CACNG4: variants seen among roughly 807,000 people sequenced by gnomAD.
CACNG4 encodes the protein voltage-dependent calcium channel gamma-4 subunit.
A neutral mutation model predicts 22.9 loss-of-function variants in CACNG4; 8 were observed. That is an observed-to-expected ratio of 0.35 (90% CI 0.21 to 0.63). The LOEUF is 0.63. Ranked by LOEUF, CACNG4 falls within the 30% of genes least tolerant of loss-of-function variation. The pLI, the probability that CACNG4 is intolerant of heterozygous loss-of-function variation, is 0.72. For missense variants in CACNG4, 357 were observed against 455.4 expected, an observed-to-expected ratio of 0.78 and a Z score of 1.97; for synonymous variants, 188 against 191.9, an observed-to-expected ratio of 0.98 and a Z score of 0.17.
At chr17:67,000,679 G>A (rs756131934) in intron 1 of CACNG4, among the ~76,000 whole-genome samples, 36 of 152,200 alleles carry the variant, frequency 2.4e-4, no homozygotes, top group Non-Finnish European at 4.7e-4. Context: ...TGCAGGGAAG[G>A]CCACTTTGGG....
At chr17:67,020,542 G>T (rs764153454) in intron 2 of CACNG4, among the ~76,000 whole-genome samples, 1 of 152,238 alleles carries the variant, frequency 6.6e-6, no homozygotes. Context: ...AAGTCAGGGC[G>T]GGGTGGGGCT....
At chr17:66,995,859 A>G (rs1056250462) in intron 1 of CACNG4, among the ~76,000 whole-genome samples, 1 of 151,784 alleles carries the variant, frequency 6.6e-6, no homozygotes, top group African/African-American at 2.4e-5. Context: ...TGAAAAAAAA[A>G]TGGGATCTAT....
chr17:67,008,897 C>T (rs779145502), intron 1 of CACNG4, among the ~76,000 whole-genome samples: 9 of 151,942 alleles, frequency 5.9e-5, no homozygotes, highest in South Asian at 2.1e-4. Context: ...TGCAGTGAGC[C>T]GAGATCGCGC....
At chr17:66,980,518 A>C (rs1446900766) in intron 1 of CACNG4, among the ~76,000 whole-genome samples, 1 of 152,130 alleles carries the variant, frequency 6.6e-6, no homozygotes, top group Non-Finnish European at 1.5e-5. Context: ...TCCTGTGGCA[A>C]GCTTAAGCAG....
chr17:67,028,418 T>TG (rs1393542774), intron 3 of CACNG4, among the ~76,000 whole-genome samples: 5 of 152,044 alleles, frequency 3.3e-5, no homozygotes, highest in Non-Finnish European at 5.9e-5. Context: ...CTGGGCATGG[T>TG]GGCGGGTGCC....
chr17:67,015,839 G>A (rs2035494060), intron 1 of CACNG4, among the ~76,000 whole-genome samples: 1 of 152,284 alleles, frequency 6.6e-6, no homozygotes, highest in Middle Eastern at 3.4e-3. Context: ...TGGGGAAGGG[G>A]AGGAACAGCA....
chr17:66,980,495 C>T (rs1167353462), intron 1 of CACNG4, among the ~76,000 whole-genome samples: 2 of 152,070 alleles, frequency 1.3e-5, no homozygotes, highest in East Asian at 3.8e-4. Context: ...TAAATTATTT[C>T]CCTAGGAAAC....
At chr17:67,026,377 GGT>G (rs751370040) in intron 3 of CACNG4, among the ~76,000 whole-genome samples, 1 of 151,302 alleles carries the variant, frequency 6.6e-6, no homozygotes, top group African/African-American at 2.4e-5. Context: ...TGAGGAATGT[GGT>G]GTGTGTGTGT....
At chr17:66,967,400 C>T (rs2035177211) in intron 1 of CACNG4, among the ~76,000 whole-genome samples, 1 of 152,148 alleles carries the variant, frequency 6.6e-6, no homozygotes, top group Non-Finnish European at 1.5e-5. Context: ...ATCATTGTGA[C>T]AGTCCCTCAA....
chr17:66,998,483 G>C (rs115667679), intron 1 of CACNG4, among the ~76,000 whole-genome samples: 11 of 152,234 alleles, frequency 7.2e-5, no homozygotes, highest in African/African-American at 2.4e-4. Flanking sequence ...GAATTGCACC[G>C]CACCCATCCC....
intron 1 of CACNG4, among the ~76,000 whole-genome samples, chr17:67,001,377 C>A (rs2035407014): frequency 6.6e-6 from 1 of 152,120 alleles, no homozygotes; most frequent in African/African-American, 2.4e-5. Context: ...CCTGTCCCCT[C>A]CCCCTGGTTC....
chr17:66,976,304 C>G lies in CACNG4; in HGVS notation c.220+11173C>G, dbSNP rs529910166. ...TCGGCTGTCAAATTGGCAAATAAAA[C>G]CTGTCCTCCCCTCCCTCCTCCCTCT... On this transcript the variant is annotated intron_variant, in intron 1 of 3. Transcript: ENST00000262138. 3.3e-5 allele frequency among the ~76,000 whole-genome samples: 5 copies of G among 152,174 alleles called. No individual in the cohort carries two copies. The South Asian group carries it at 1.0e-3, about 32-fold the overall frequency.
intron 1 of CACNG4, among the ~76,000 whole-genome samples, chr17:66,976,520 A>T (rs1598102512): frequency 9.3e-6 from 1 of 107,852 alleles, no homozygotes; most frequent in African/African-American, 3.7e-5. Flanking sequence ...CCCTCCCTCC[A>T]TCCTCCCTCC....
intron 1 of CACNG4, among the ~76,000 whole-genome samples, chr17:66,975,218 ATCAGTCTCCCTGGC>A (rs1316143542): frequency 1.3e-5 from 2 of 152,136 alleles, no homozygotes; most frequent in Non-Finnish European, 2.9e-5. Context: ...AGTAAAAATC[ATCAGTCTCCCTGGC>A]TCACCTGCCA....
intron 1 of CACNG4, among the ~76,000 whole-genome samples, chr17:66,980,640 T>TTTTTTTTTTTTTTTTA (rs2035266353): frequency 7.6e-6 from 1 of 132,210 alleles, no homozygotes; most frequent in East Asian, 2.2e-4. Flanking sequence ...TTTTTTTTTT[T>TTTTTTTTTTTTTTTTA]GAGACTGAGT....
At chr17:66,999,042 G>A (rs1318767116) in intron 1 of CACNG4, among the ~76,000 whole-genome samples, 1 of 152,178 alleles carries the variant, frequency 6.6e-6, no homozygotes, top group Non-Finnish European at 1.5e-5. Flanking sequence ...AGGCTCTGAA[G>A]GATGATGGCT....
intron 3 of CACNG4, among the ~76,000 whole-genome samples, chr17:67,025,639 G>A (rs535222883): frequency 4.9e-4 from 74 of 152,356 alleles, no homozygotes; most frequent in Middle Eastern, 6.8e-3. Context: ...AGCCATGCCC[G>A]ATGTCCCCGG....
At chr17:67,029,374 G>C (rs569998672) in intron 3 of CACNG4, among the ~76,000 whole-genome samples, 1 of 151,078 alleles carries the variant, frequency 6.6e-6, no homozygotes, top group African/African-American at 2.4e-5. Flanking sequence ...GCTCACGCCT[G>C]TAATCCCAGC....
chr17:67,001,203 G>A (rs1194504027), intron 1 of CACNG4, among the ~76,000 whole-genome samples: 2 of 152,084 alleles, frequency 1.3e-5, no homozygotes, highest in Admixed American at 1.3e-4. Flanking sequence ...CTTCTACCAT[G>A]ATTGTGAGGG....
Sources: gnomAD v4.1 joint callset for allele counts (sites outside exome capture counted in the v4.1 genomes callset) on GRCh38, gnomAD v4.1.1 for gene constraint, MANE v1.5 for transcripts, NCBI Gene and HGNC (gene_info 2026-07-23, HGNC 2026-07-21) for gene names.